UBP1: variants seen among roughly 807,000 people sequenced by gnomAD.
The protein encoded by UBP1 is upstream binding protein 1.
Under a neutral mutation model 76.1 loss-of-function variants are expected in UBP1, and 22 were observed. The ratio of observed to expected loss-of-function variants is 0.29; its 90% CI spans 0.21 to 0.41. UBP1 has a LOEUF of 0.41. Among genes scored for constraint, UBP1 ranks in the 10% least tolerant of loss-of-function variants. UBP1 has a pLI of 1.00. For missense variants in UBP1, 436 were observed against 668.1 expected, an observed-to-expected ratio of 0.65 and a Z score of 3.83; for synonymous variants, 224 against 237.1, an observed-to-expected ratio of 0.94 and a Z score of 0.51.
intron 8 of UBP1, among the ~76,000 whole-genome samples, chr3:33,403,892 A>T (rs1283602852): frequency 2.0e-5 from 3 of 152,172 alleles, no homozygotes; most frequent in Non-Finnish European, 4.4e-5. Flanking sequence ...CCCTTTCATA[A>T]TCATCCTTCT....
chr3:33,392,674 G>T lies in UBP1; in HGVS notation c.1534-60C>A, dbSNP rs2043814967. On this transcript the variant is annotated intron_variant, in intron 14 of 15. Coordinates refer to ENST00000283629, the MANE Select transcript of UBP1 (RefSeq NM_014517.5). ...AGATCCAACTGTCGTTTCTTAAAAT[G>T]ATTTTAAAACAGTAAATATTCTTCT... 6 of 1,469,696 alleles carry T rather than the reference G, an allele frequency of 4.1e-6. No individual in the cohort carries two copies. In the Admixed American group the frequency reaches 9.7e-5, roughly 24 times the overall value. The allele number at this position is 1,469,696 out of a possible 1,614,324, so 91.0% of individuals were successfully genotyped here.
intron 2 of UBP1, among the ~76,000 whole-genome samples, chr3:33,420,306 T>C (rs2044853547): frequency 6.6e-6 from 1 of 152,102 alleles, no homozygotes; most frequent in African/African-American, 2.4e-5. Context: ...TTCTAGGGAC[T>C]TATAGCTGTA....
At chr3:33,436,432 T>C (rs1362303811) in intron 1 of UBP1, among the ~76,000 whole-genome samples, 2 of 152,260 alleles carry the variant, frequency 1.3e-5, no homozygotes, top group African/African-American at 4.8e-5. Flanking sequence ...AAACTATGGA[T>C]GTACCTCCCA....
In UBP1 at chr3:33,390,300, G is replaced by C. The variant is rs1559661146; in HGVS notation, c.*31C>G. On this transcript the variant is annotated 3_prime_UTR_variant, in exon 16 of 16. Transcript: ENST00000283629. ...ACACACTTTTAAGCGTGACTATTTGGTACTGAATACAGTTCAGTCTATATA... is the reference window on the plus strand; with the variant it reads ...ACACACTTTTAAGCGTGACTATTTGCTACTGAATACAGTTCAGTCTATATA... The C allele has an allele frequency of 6.3e-7, 1 of 1,597,276 alleles. No homozygotes were observed. Among genetic ancestry groups the C allele is most frequent in the Non-Finnish European group, 8.6e-7 (1 of 1,165,528 alleles).
chr3:33,432,460 C>T (rs1490558379), intron 1 of UBP1, among the ~76,000 whole-genome samples: 1 of 152,126 alleles, frequency 6.6e-6, no homozygotes, highest in Non-Finnish European at 1.5e-5. Context: ...TATGAAGTTA[C>T]TACAACATAT....
chr3:33,404,397 GCGAGATTC>G (rs1378804539), intron 8 of UBP1, among the ~76,000 whole-genome samples: 3 of 151,892 alleles, frequency 2.0e-5, no homozygotes, highest in Non-Finnish European at 2.9e-5. Context: ...GGGTGACAGA[GCGAGATTC>G]CATCTCAAAA....
intron 8 of UBP1, among the ~76,000 whole-genome samples, chr3:33,407,413 C>A (rs537206780): frequency 6.6e-6 from 1 of 152,002 alleles, no homozygotes; most frequent in Non-Finnish European, 1.5e-5. Flanking sequence ...AGAATCCCCC[C>A]CAAAGAAGTT....
In UBP1 at chr3:33,395,750, G is replaced by GAAAA. The variant is rs61654235; in HGVS notation, c.1390+408_1390+411dup. On this transcript the variant is annotated intron_variant, in intron 13 of 15. Transcript: ENST00000283629. ...CTCCCCATACCTAGTCAGGAAAATT[G>GAAAA]AAAAAAAAAAAAAAAAAAAAAAAGA... Among the ~76,000 whole-genome samples, 628 of 69,766 alleles carry GAAAA rather than the reference G, an allele frequency of 9.0e-3. 4 individuals carry two copies. The highest frequency in any genetic ancestry group is 0.013 in the South Asian group (25 of 1,870). The allele number at this position is 69,766 out of a possible 152,430, so 45.8% of individuals were successfully genotyped here. A position where few individuals can be genotyped will look rare whatever the true frequency, so the allele number is the denominator to read the frequency against.
At chr3:33,411,770 G>A in intron 4 of UBP1, 83 bp from the exon 5 acceptor site, 1 of 1,110,044 alleles carries the variant, frequency 9.0e-7, no homozygotes. Flanking sequence ...ATGTTCTAAT[G>A]AAATAACTGT....
intron 13 of UBP1, 130 bp from the exon 14 acceptor site, chr3:33,393,584 G>T: frequency 2.5e-6 from 2 of 793,254 alleles, no homozygotes; most frequent in Non-Finnish European, 3.6e-6. Context: ...CATTTTAAAT[G>T]GGAATAAACT....
chr3:33,412,567 G>A (rs1204336632), intron 4 of UBP1, among the ~76,000 whole-genome samples, 155 bp downstream of exon 4: 4 of 140,480 alleles, frequency 2.8e-5, no homozygotes, highest in African/African-American at 5.5e-5. Flanking sequence ...GGGCGAGAGA[G>A]CAAGGCTCTG....
intron 1 of UBP1, among the ~76,000 whole-genome samples, chr3:33,436,898 G>A (rs559351170): frequency 3.5e-4 from 53 of 152,242 alleles, no homozygotes; most frequent in African/African-American, 1.3e-3. Context: ...TGCATTTACA[G>A]TATAAGAAAA....
At chr3:33,402,992 A>T (rs933201613) in intron 8 of UBP1, 88 bp from the exon 9 acceptor site, 7 of 1,141,102 alleles carry the variant, frequency 6.1e-6, no homozygotes, top group African/African-American at 1.5e-5. Flanking sequence ...AACCAAATGC[A>T]AGATTATAAA....
At position 33,439,941 on chromosome 3, in the gene UBP1, G is replaced by A. The variant is rs1308521615; in HGVS notation, c.-93C>T. 4.9e-6 allele frequency: 7 copies of A among 1,417,834 alleles called. No individual in the cohort carries two copies. Among genetic ancestry groups the A allele is most frequent in the African/African-American group, 1.5e-5 (1 of 67,612 alleles). 87.8% of individuals were successfully genotyped at this position (1,417,834 alleles called of 1,614,324 possible). ...CTGGCGCGTCCTGGGGGAGGGCGCG[G>A]GTGAAGCCTCCGGAGGGGCGGCGAG... On this transcript the variant is annotated 5_prime_UTR_variant, in exon 1 of 16. Transcript: ENST00000283629.
intron 1 of UBP1, among the ~76,000 whole-genome samples, chr3:33,438,623 G>A (rs2045238188): frequency 6.6e-6 from 1 of 152,160 alleles, no homozygotes; most frequent in Non-Finnish European, 1.5e-5. Flanking sequence ...CAGACGCTGG[G>A]GAACTCCAGG....
At chr3:33,425,916 CTATG>C (rs2045002983) in intron 1 of UBP1, among the ~76,000 whole-genome samples, 175 bp from the exon 2 acceptor site, 1 of 143,910 alleles carries the variant, frequency 6.9e-6, no homozygotes, top group South Asian at 2.2e-4. Context: ...ACTATGAATG[CTATG>C]TGGTTCATCT....
At chr3:33,436,892 T>C (rs1482248543) in intron 1 of UBP1, among the ~76,000 whole-genome samples, 1 of 152,200 alleles carries the variant, frequency 6.6e-6, no homozygotes, top group African/African-American at 2.4e-5. Flanking sequence ...AGATAATGCA[T>C]TTACAGTATA....
chr3:33,416,897 A>G (rs561095350), intron 2 of UBP1, 63 bp from the exon 3 acceptor site: 1 of 1,345,620 alleles, frequency 7.4e-7, no homozygotes, highest in African/African-American at 1.4e-5. Flanking sequence ...GCTTAACATA[A>G]TTCAAAATGC....
At chr3:33,418,397 G>A (rs60995021) in intron 2 of UBP1, among the ~76,000 whole-genome samples, 3,716 of 152,058 alleles carry the variant, frequency 0.024, 77 homozygotes, top group Admixed American at 0.058. Flanking sequence ...TGGGATTACA[G>A]GTGCCCGCCA....
Sources: gnomAD v4.1 joint callset for allele counts (sites outside exome capture counted in the v4.1 genomes callset) on GRCh38, gnomAD v4.1.1 for gene constraint, MANE v1.5 for transcripts, NCBI Gene and HGNC (gene_info 2026-07-23, HGNC 2026-07-21) for gene names.